The following VWA3B variants were observed in gnomAD, a reference collection of about 807,000 sequenced individuals.
VWA3B encodes von Willebrand factor A domain-containing protein 3B.
In VWA3B, 138 loss-of-function variants were observed where a neutral mutation model predicts 158.3. The observed-to-expected ratio is 0.87, with a 90% confidence interval of 0.76 to 1.00. The LOEUF is 1.00. Among genes scored for constraint, VWA3B ranks in the 50% least tolerant of loss-of-function variants. The pLI is 0.00. For missense variants in VWA3B, 1,555 were observed against 1,565.1 expected (o/e 0.99, Z 0.11); for synonymous variants, 596 against 587.3 (o/e 1.01, Z -0.21).
intron 13 of VWA3B, among the ~76,000 whole-genome samples, chr2:98,215,578 C>T (rs1305044415): frequency 2.7e-5 from 4 of 150,898 alleles, no homozygotes; most frequent in South Asian, 2.1e-4. Flanking sequence ...AGTGTAGTGG[C>T]GCAATCTCGG....
intron 14 of VWA3B, 27 bp downstream of exon 14, chr2:98,218,055 A>T: frequency 6.3e-7 from 1 of 1,576,902 alleles, no homozygotes; most frequent in Non-Finnish European, 8.6e-7. Context: ...CTAAGAAGGG[A>T]GTGTTCATTT....
chr2:98,182,170 A>G (rs2105356119), intron 9 of VWA3B, among the ~76,000 whole-genome samples: 1 of 152,356 alleles, frequency 6.6e-6, no homozygotes, highest in African/African-American at 2.4e-5. Flanking sequence ...ACACCTGGGA[A>G]AGAAAATCAA....
Position 98,162,967 on chromosome 2 carries a change from G to A in VWA3B, c.1105G>A (p.Val369Met). The change falls in exon 8 of 28, where the codon GTG (valine) becomes ATG (methionine). Residue 369 changes from valine (V) to methionine (M), a missense_variant. Transcript: ENST00000477737. The part of the protein sequence containing the change: ...AEPPKPDVAT[V>M]DCESETTSVE... The stretch of plus-strand genomic sequence containing the variant: ...GCCTCCCAAGCCCGACGTGGCCACT[G>A]TGGACTGCGGTTGGTGCTATTTCTG... The A allele has an allele frequency of 6.2e-7, 1 of 1,614,148 alleles. No homozygotes were observed. Among genetic ancestry groups the A allele is most frequent in the South Asian group, 1.1e-5 (1 of 91,080 alleles).
intron 2 of VWA3B, among the ~76,000 whole-genome samples, chr2:98,098,830 G>C (rs1324124392): frequency 6.6e-6 from 1 of 151,954 alleles, no homozygotes; most frequent in Non-Finnish European, 1.5e-5. Flanking sequence ...TTCTCTAGTA[G>C]TATGTTTTAA....
intron 9 of VWA3B, among the ~76,000 whole-genome samples, chr2:98,186,145 G>A (rs968978377): frequency 2.8e-5 from 4 of 141,824 alleles, no homozygotes; most frequent in Non-Finnish European, 4.5e-5. Context: ...GATCTAGTTG[G>A]TCACTTCCTT....
intron 12 of VWA3B, chr2:98,207,111 G>T: frequency 3.8e-6 from 2 of 530,934 alleles, no homozygotes; most frequent in South Asian, 1.5e-5. Context: ...CTGCCTTATT[G>T]GGCAGAATCC....
chr2:98,164,483 C>A (rs1678903857), intron 8 of VWA3B, among the ~76,000 whole-genome samples: 1 of 152,144 alleles, frequency 6.6e-6, no homozygotes, highest in Non-Finnish European at 1.5e-5. Context: ...CTCATTTAAG[C>A]CTCATAACTC....
chr2:98,105,717 G>C lies in VWA3B; in HGVS notation c.197-9935G>C, dbSNP rs564907582. On this transcript the variant is annotated intron_variant, in intron 2 of 27. Coordinates refer to ENST00000477737, the MANE Select transcript of VWA3B (RefSeq NM_144992.5). ...CACTCCAGCCTAGGTGATAGAGTGA[G>C]ACTCTATCTCTTAAAAAACACACAC... Among the ~76,000 whole-genome samples, 3 of 152,010 alleles carry C rather than the reference G, an allele frequency of 2.0e-5. No homozygotes were observed. The South Asian group carries it at 6.2e-4, about 32-fold the overall frequency.
chr2:98,216,982 A>ACCT lies in VWA3B; in HGVS notation c.1837-862_1837-861insTCC, dbSNP rs1553417707. 21 of 1,237,164 alleles carry ACCT rather than the reference A, an allele frequency of 1.7e-5. 1 individual carries two copies. Among genetic ancestry groups the ACCT allele is most frequent in the Non-Finnish European group, 1.9e-5 (18 of 955,330 alleles). The allele number at this position is 1,237,164 out of a possible 1,614,324, so 76.6% of individuals were successfully genotyped here. A position where few individuals can be genotyped will look rare whatever the true frequency, so the allele number is the denominator to read the frequency against. ...GACTGTCATGTGTATCATTGTAAGC[A>ACCT]CCCGCCCCGCACCCAGTCTCAGGTG... is the stretch of plus-strand genomic sequence containing the variant. On this transcript the variant is annotated intron_variant, in intron 13 of 27. Coordinates refer to ENST00000477737, the MANE Select transcript of VWA3B (RefSeq NM_144992.5).
At position 98,312,314 on chromosome 2, in the gene VWA3B, A is replaced by G. The variant is rs759265855; in HGVS notation, c.3850A>G (p.Ser1284Gly). The change falls in exon 28 of 28, where the codon AGC becomes GGC. Residue 1284 changes from serine to glycine, a missense_variant. By Grantham distance (56) the Ser-to-Gly change is moderately conservative. Transcript: ENST00000477737. ...CTGTACTCTCCAAGCCACCCACAGCAGCAAAGGGCTGAGGAGCGTCCCTGA... is the reference window on the plus strand; with the variant it reads ...CTGTACTCTCCAAGCCACCCACAGCGGCAAAGGGCTGAGGAGCGTCCCTGA... ...LPCTLQATHS[S>G]KGLRSVPETL The G allele has an allele frequency of 5.6e-6, 9 of 1,613,846 alleles. No individual in the cohort carries two copies. The African/African-American group carries it at 1.2e-4, about 22-fold the overall frequency.
At chr2:98,186,663 C>T (rs11124076) in intron 9 of VWA3B, among the ~76,000 whole-genome samples, 38,318 of 151,692 alleles carry the variant, frequency 0.25, 6,165 homozygotes, top group East Asian at 0.52. Flanking sequence ...GTTTTCAGAA[C>T]GTGCCTGTCA....
At position 98,312,272 on chromosome 2, in the gene VWA3B, C is replaced by T. The variant is rs1266550473; in HGVS notation, c.3808C>T (p.Pro1270Ser). 6.2e-7 allele frequency: 1 copy of T among 1,614,190 alleles called. No homozygotes were observed. The highest frequency in any genetic ancestry group is 8.5e-7 in the Non-Finnish European group (1 of 1,180,022). Residue 1270 changes from proline to serine, a missense_variant, in exon 28 of 28, where the codon CCT becomes TCT. Coordinates refer to ENST00000477737, the MANE Select transcript of VWA3B (RefSeq NM_144992.5). ...SSHAIIATPP[P>S]RAALPCTLQA... Reference sequence around the variant, plus strand: ...CCACGCCATCATTGCCACACCTCCACCTCGAGCAGCCCTGCCCTGTACTCT... The same window carrying T: ...CCACGCCATCATTGCCACACCTCCATCTCGAGCAGCCCTGCCCTGTACTCT...
At chr2:98,218,735 C>T (rs1684239574) in intron 14 of VWA3B, among the ~76,000 whole-genome samples, 1 of 152,162 alleles carries the variant, frequency 6.6e-6, no homozygotes, top group South Asian at 2.1e-4. Flanking sequence ...ACTTTAAATC[C>T]AGATTCAGTG....
intron 2 of VWA3B, among the ~76,000 whole-genome samples, chr2:98,108,709 T>C (rs1673877565): frequency 6.6e-6 from 1 of 151,970 alleles, no homozygotes; most frequent in Non-Finnish European, 1.5e-5. Context: ...TTTCCATCCT[T>C]TTACTTTTAA....
intron 8 of VWA3B, among the ~76,000 whole-genome samples, chr2:98,163,306 G>A (rs1003822382): frequency 3.9e-5 from 6 of 152,172 alleles, no homozygotes; most frequent in East Asian, 1.9e-4. Context: ...TTGGGAGGCC[G>A]AGGCGGGTGG....
At chr2:98,264,274 T>C (rs1195539917) in intron 21 of VWA3B, among the ~76,000 whole-genome samples, 1 of 152,100 alleles carries the variant, frequency 6.6e-6, no homozygotes, top group African/African-American at 2.4e-5. Flanking sequence ...AACTTGGGCT[T>C]TCATTTGTTC....
In VWA3B at chr2:98,313,289, A is replaced by G. The variant is rs1194563003; in HGVS notation, c.*940A>G. On this transcript the variant is annotated 3_prime_UTR_variant, in exon 28 of 28. Coordinates refer to ENST00000477737, the MANE Select transcript of VWA3B (RefSeq NM_144992.5). ...TAATCCACTTCTAAAAATATGAAAA[A>G]AAAAAAATAAGGGACATGCGCTCAG... 6.6e-6 allele frequency: 1 copy of G among 152,186 alleles called. No individual in the cohort carries two copies. The highest frequency in any genetic ancestry group is 1.5e-5 in the Non-Finnish European group (1 of 68,032). 9.4% of individuals were successfully genotyped at this position (152,186 alleles called of 1,614,324 possible).
chr2:98,150,229 C>T (rs980778778), intron 7 of VWA3B, among the ~76,000 whole-genome samples: 3 of 152,100 alleles, frequency 2.0e-5, no homozygotes, highest in African/African-American at 7.2e-5. Context: ...CTTTAGATTC[C>T]TATAGGTACA....
intron 16 of VWA3B, among the ~76,000 whole-genome samples, chr2:98,232,976 C>T (rs1026581710): frequency 2.2e-4 from 34 of 152,246 alleles, no homozygotes; most frequent in African/African-American, 7.7e-4. Context: ...AGAGGCGTCC[C>T]GGAAAGGGCC....
Sources: allele counts gnomAD v4.1 joint callset (sites outside exome capture counted in the v4.1 genomes callset), GRCh38; gene constraint gnomAD v4.1.1; transcripts MANE v1.5; gene names NCBI Gene and HGNC (gene_info 2026-07-23, HGNC 2026-07-21).